The following OSBPL10 variants were observed in gnomAD, a reference collection of about 807,000 sequenced individuals.
The protein encoded by OSBPL10 is oxysterol binding protein like 10.
A neutral mutation model predicts 81.7 loss-of-function variants in OSBPL10; 49 were observed. That is an observed-to-expected ratio of 0.60 (90% CI 0.48 to 0.76). The LOEUF (loss-of-function observed/expected upper bound fraction) is 0.76. Among genes scored for constraint, OSBPL10 ranks in the 30% least tolerant of loss-of-function variants. OSBPL10 has a pLI of 0.00. For synonymous variants in OSBPL10, 419 were observed against 383.6 expected, an observed-to-expected ratio of 1.09 and a Z score of -1.08; for missense variants, 923 against 987.8, an observed-to-expected ratio of 0.93 and a Z score of 0.88.
chr3:31,782,021 A>G (rs1698709544), intron 4 of OSBPL10, among the ~76,000 whole-genome samples: 1 of 152,224 alleles, frequency 6.6e-6, no homozygotes, highest in Non-Finnish European at 1.5e-5. Flanking sequence ...ACAAGAACAA[A>G]GCCAGAGGCA....
intron 1 of OSBPL10, among the ~76,000 whole-genome samples, chr3:31,890,399 A>C (rs1695859128): frequency 6.6e-6 from 1 of 152,036 alleles, no homozygotes; most frequent in Non-Finnish European, 1.5e-5. Context: ...AGAAAGGTTT[A>C]AAGACATTGT....
intron 2 of OSBPL10, among the ~76,000 whole-genome samples, chr3:32,021,048 T>A (rs1699359391): frequency 6.6e-6 from 1 of 152,170 alleles, no homozygotes; most frequent in Non-Finnish European, 1.5e-5. Context: ...TTCCTGATAT[T>A]GCTTCCTCTT....
exon 2 of OSBPL10, chr3:32,046,512 A>T (rs973641366): frequency 6.6e-6 from 1 of 152,084 alleles, no homozygotes; most frequent in Non-Finnish European, 1.5e-5. Flanking sequence ...CAATTTAAAG[A>T]CTCTTCTTGC....
At chr3:31,754,355 G>A (rs560704299) in intron 4 of OSBPL10, among the ~76,000 whole-genome samples, 16 of 152,270 alleles carry the variant, frequency 1.1e-4, no homozygotes, top group African/African-American at 3.9e-4. Context: ...ATTTCTCTCA[G>A]TAGGGCTAAG....
At position 31,760,964 on chromosome 3, in the gene OSBPL10, ACTG is replaced by A. The variant is rs752258347; in HGVS notation, c.730-12847_730-12845del. ...GTGAAAATAAACTTCTAGAAGAGGA[ACTG>A]CTAAGTTTTTTTTTTTTATAAATAC... On this transcript the variant is annotated intron_variant, in intron 4 of 11. Transcript: ENST00000396556. 9.9e-5 allele frequency among the ~76,000 whole-genome samples: 15 copies of A among 151,920 alleles called. No homozygotes were observed. The South Asian group carries it at 1.0e-3, about 11-fold the overall frequency.
intron 2 of OSBPL10, among the ~76,000 whole-genome samples, chr3:32,018,470 G>A (rs1699334279): frequency 6.6e-6 from 1 of 152,150 alleles, no homozygotes. Context: ...AAATAGATGA[G>A]AAACCAGAGC....
In OSBPL10 at chr3:31,733,353, C is replaced by T; in HGVS notation, c.999G>A (p.Gly333=). ...TGGCTGATGGCAAAGAGCCAAGTGTCCCATTTTTCAGCTGCTCTGTGGAAT... is the reference window on the plus strand; with the variant it reads ...TGGCTGATGGCAAAGAGCCAAGTGTTCCATTTTTCAGCTGCTCTGTGGAAT... ...KSHSTEQLKN[G]TLGSLPSASA... Residue 333 remains glycine (G), a synonymous_variant, in exon 6 of 12, where the codon GGG becomes GGA. Coordinates refer to ENST00000396556, the MANE Select transcript of OSBPL10 (RefSeq NM_017784.5). 1 of 1,613,858 alleles carries T rather than the reference C, an allele frequency of 6.2e-7. No homozygotes were observed. Among genetic ancestry groups the T allele is most frequent in the South Asian group, 1.1e-5 (1 of 90,918 alleles).
rs534497341 is a variant in OSBPL10 at position 32,032,164 on chromosome 3, A to C, written n.298+14327T>G. ...CCAGGCATGAAAGCTCATGCCTGTA[A>C]TCCCAACACTTTGGGAGACCAAGGC... On this transcript the variant is annotated intron_variant and non_coding_transcript_variant, in intron 2 of 3. Transcript: ENST00000479173. 2.6e-4 allele frequency among the ~76,000 whole-genome samples: 40 copies of C among 152,236 alleles called. 1 individual carries two copies. The South Asian group carries it at 7.7e-3, about 29-fold the overall frequency.
At chr3:31,828,249 C>A (rs1164722148) in intron 4 of OSBPL10, among the ~76,000 whole-genome samples, 1 of 152,112 alleles carries the variant, frequency 6.6e-6, no homozygotes, top group Non-Finnish European at 1.5e-5. Flanking sequence ...ATTTATCTAA[C>A]AGGAACTTTT....
chr3:32,044,380 AAAT>A lies in OSBPL10; in HGVS notation n.298+2108_298+2110del, dbSNP rs1411276665. 4.7e-5 allele frequency among the ~76,000 whole-genome samples: 7 copies of A among 148,348 alleles called. No homozygotes were observed. The East Asian group carries it at 7.8e-4, about 16-fold the overall frequency. On this transcript the variant is annotated intron_variant and non_coding_transcript_variant, in intron 2 of 3. Transcript: ENST00000479173. ...AGTTGGGAAATAATATATATATAAT[AAAT>A]AATAATAATAATATATAACATAATT...
intron 2 of OSBPL10, among the ~76,000 whole-genome samples, chr3:32,042,353 C>G (rs1282865812): frequency 1.3e-5 from 2 of 152,140 alleles, no homozygotes; most frequent in African/African-American, 4.8e-5. Flanking sequence ...TGTTTTTTTG[C>G]CACTAAATTT....
intron 4 of OSBPL10, among the ~76,000 whole-genome samples, chr3:31,762,954 T>C (rs955502174): frequency 1.3e-5 from 2 of 152,000 alleles, no homozygotes; most frequent in African/African-American, 4.8e-5. Context: ...AAGGCTCACA[T>C]ACACACTCTG....
At chr3:31,789,283 T>C (rs893497270) in intron 4 of OSBPL10, among the ~76,000 whole-genome samples, 2 of 152,334 alleles carry the variant, frequency 1.3e-5, no homozygotes, top group South Asian at 2.1e-4. Flanking sequence ...CTGTAGATTC[T>C]GTGGTCTGAA....
At chr3:32,004,861 A>C (rs1365102611) in intron 2 of OSBPL10, among the ~76,000 whole-genome samples, 1 of 152,208 alleles carries the variant, frequency 6.6e-6, no homozygotes, top group Non-Finnish European at 1.5e-5. Flanking sequence ...AATTAAGTAA[A>C]TTATAGTCCT....
chr3:31,681,739 A>G (rs1688346595), intron 8 of OSBPL10, among the ~76,000 whole-genome samples: 1 of 152,144 alleles, frequency 6.6e-6, no homozygotes, highest in South Asian at 2.1e-4. Context: ...TTCATCTTGC[A>G]GACCTCTTAA....
intron 7 of OSBPL10, among the ~76,000 whole-genome samples, chr3:31,686,343 A>C (rs1007305112): frequency 5.9e-5 from 9 of 152,224 alleles, no homozygotes; most frequent in African/African-American, 2.2e-4. Context: ...TTTCAGAGGA[A>C]ACTAGAAAAA....
intron 6 of OSBPL10, among the ~76,000 whole-genome samples, chr3:31,728,561 TTCAATGCAAAA>T (rs1481905131): frequency 6.6e-6 from 1 of 152,230 alleles, no homozygotes; most frequent in Admixed American, 6.5e-5. Context: ...ATACATACTA[TTCAATGCAAAA>T]GGAATGCAAA....
At chr3:31,945,053 C>T (rs1306725171) in intron 1 of OSBPL10, among the ~76,000 whole-genome samples, 2 of 147,104 alleles carry the variant, frequency 1.4e-5, no homozygotes, top group Non-Finnish European at 3.0e-5. Context: ...CGGGAGGCCA[C>T]GGCAGGAGAA....
intron 4 of OSBPL10, among the ~76,000 whole-genome samples, chr3:31,777,010 C>G (rs780880603): frequency 6.6e-6 from 1 of 152,154 alleles, no homozygotes; most frequent in Non-Finnish European, 1.5e-5. Context: ...AAATTCTTTA[C>G]CCATCTCAAG....
Sources: gnomAD v4.1 joint callset for allele counts (sites outside exome capture counted in the v4.1 genomes callset) on GRCh38, gnomAD v4.1.1 for gene constraint, MANE v1.5 for transcripts, NCBI Gene and HGNC (gene_info 2026-07-23, HGNC 2026-07-21) for gene names.